The following CROT variants were observed in gnomAD, a reference collection of about 807,000 sequenced individuals.
The protein encoded by CROT is carnitine O-octanoyltransferase.
In CROT, 84 loss-of-function variants were observed where a neutral mutation model predicts 89.2. That is an observed-to-expected ratio of 0.94 (90% CI 0.79 to 1.13). The LOEUF is 1.13. Among genes scored for constraint, CROT ranks in the 50% most tolerant of loss-of-function variants. The pLI is 0.00. For synonymous variants in CROT, 212 were observed against 239.5 expected (o/e 0.89, Z 1.06); for missense variants, 711 against 727.8 (o/e 0.98, Z 0.27).
intron 3 of CROT, among the ~76,000 whole-genome samples, chr7:87,351,414 A>G (rs1302087841): frequency 6.6e-6 from 1 of 152,160 alleles, no homozygotes; most frequent in East Asian, 1.9e-4. Flanking sequence ...TGATATGCCA[A>G]GGTAAGCCTG....
At chr7:87,359,821 A>G (rs1346044395) in intron 4 of CROT, 1 of 983,614 alleles carries the variant, frequency 1.0e-6, no homozygotes, top group African/African-American at 1.7e-5. Context: ...CTAGTATAAT[A>G]ATTATTGAAG....
intron 7 of CROT, among the ~76,000 whole-genome samples, chr7:87,372,408 G>A (rs998260745): frequency 6.6e-5 from 10 of 152,234 alleles, no homozygotes; most frequent in Admixed American, 6.5e-4. Context: ...TTTAGTTAGT[G>A]TGTTTTAAAT....
At chr7:87,358,481 CAAAAA>C (rs11405316) in intron 3 of CROT, among the ~76,000 whole-genome samples, 2 of 95,660 alleles carry the variant, frequency 2.1e-5, no homozygotes, top group African/African-American at 8.5e-5. Context: ...GACTCCATCT[CAAAAA>C]AAAAAAAAAA....
intron 10 of CROT, among the ~76,000 whole-genome samples, chr7:87,378,450 G>T (rs117034769): frequency 0.011 from 1,606 of 152,072 alleles, 14 homozygotes; most frequent in Non-Finnish European, 0.015. Context: ...ATATTTGTTG[G>T]CAAGGAGTTA....
intron 7 of CROT, among the ~76,000 whole-genome samples, chr7:87,371,974 A>G (rs1387092877): frequency 2.0e-5 from 3 of 147,518 alleles, no homozygotes; most frequent in Non-Finnish European, 4.5e-5. Flanking sequence ...AGCCTGGGTG[A>G]CAGAGCAAGA....
chr7:87,372,759 A>T (rs1229508972), intron 7 of CROT, among the ~76,000 whole-genome samples: 6 of 152,118 alleles, frequency 3.9e-5, no homozygotes. Context: ...TTCAAGGTTC[A>T]TCCGTGTTTT....
At chr7:87,388,814 GA>G (rs1262804420) in intron 13 of CROT, among the ~76,000 whole-genome samples, 3 of 152,170 alleles carry the variant, frequency 2.0e-5, no homozygotes, top group African/African-American at 7.2e-5. Context: ...CACAGCAAAT[GA>G]AACTATCATC....
intron 6 of CROT, among the ~76,000 whole-genome samples, chr7:87,366,166 C>A (rs1335792334): frequency 1.3e-5 from 2 of 152,158 alleles, no homozygotes; most frequent in Admixed American, 6.6e-5. Context: ...TATCCTCAAC[C>A]TTTTCTCTAA....
At chr7:87,392,542 A>G (rs1021748693) in intron 14 of CROT, 24 bp from the exon 15 acceptor site, 1 of 1,593,306 alleles carries the variant, frequency 6.3e-7, no homozygotes, top group Non-Finnish European at 8.6e-7. Flanking sequence ...GTGTTATTGA[A>G]GTGTCTCTCG....
intron 7 of CROT, chr7:87,369,817 A>AT (rs1260595798): frequency 1.3e-5 from 2 of 148,760 alleles, no homozygotes; most frequent in Non-Finnish European, 1.5e-5. Context: ...TAGCTTAAAA[A>AT]ATATATATAA....
chr7:87,349,444 T>C (rs1388425685), intron 3 of CROT, among the ~76,000 whole-genome samples: 1 of 152,194 alleles, frequency 6.6e-6, no homozygotes, highest in African/African-American at 2.4e-5. Context: ...GTCTTATCGA[T>C]GTAAAGACTA....
chr7:87,391,617 A>G lies in CROT; in HGVS notation c.1330A>G (p.Thr444Ala). 6.2e-7 allele frequency: 1 copy of G among 1,605,222 alleles called. No individual in the cohort carries two copies. Among genetic ancestry groups the G allele is most frequent in the South Asian group, 1.1e-5 (1 of 88,388 alleles). ...HPGCCYETAMTRHFYHGRTET... is the reference protein window; with the variant it reads ...HPGCCYETAMARHFYHGRTET... ...TGGTTGTTGCTATGAAACAGCTATG[A>G]CAAGACATTTTTATCATGGCCGTAC... is the stretch of plus-strand genomic sequence containing the variant. Residue 444 changes from threonine to alanine, a missense_variant, in exon 14 of 18, where the codon ACA becomes GCA. Physicochemically the swap from Thr to Ala is moderately conservative, Grantham distance 58. Transcript: ENST00000331536.
chr7:87,388,778 G>A (rs968601579), intron 13 of CROT, among the ~76,000 whole-genome samples: 18 of 152,132 alleles, frequency 1.2e-4, no homozygotes, highest in Admixed American at 9.8e-4. Context: ...TGACAAATGG[G>A]ATCTAATTAA....
Position 87,398,827 on chromosome 7 carries a change from T to C in CROT, c.*183T>C, listed in dbSNP as rs1439623225. 4 of 610,484 alleles carry C rather than the reference T, an allele frequency of 6.6e-6. No homozygotes were observed. In the African/African-American group the frequency reaches 7.4e-5, roughly 11 times the overall value. The allele number at this position is 610,484 out of a possible 1,614,324, so 37.8% of individuals were successfully genotyped here. A position where few individuals can be genotyped will look rare whatever the true frequency, so the allele number is the denominator to read the frequency against. On this transcript the variant is annotated 3_prime_UTR_variant, in exon 18 of 18. Transcript: ENST00000331536. Reference sequence around the variant, plus strand: ...TCTAAATTTATTCTGCCATAGAAGGTAGAAATATTTTTAAGCTCCTCTGAT... The same window carrying C: ...TCTAAATTTATTCTGCCATAGAAGGCAGAAATATTTTTAAGCTCCTCTGAT...
Position 87,369,369 on chromosome 7 carries a change from T to C in CROT, c.548-7T>C, listed in dbSNP as rs1436797506. On this transcript the variant is annotated splice_region_variant and splice_polypyrimidine_tract_variant and intron_variant, in intron 6 of 17. Transcript: ENST00000331536. Reference sequence around the variant, plus strand: ...TTGAGTCTTGTGTTTTCTGTTTCTGTTTCCAGAGAGTGAAGGGCGTTCCCC... The same window carrying C: ...TTGAGTCTTGTGTTTTCTGTTTCTGCTTCCAGAGAGTGAAGGGCGTTCCCC... 6.3e-7 allele frequency: 1 copy of C among 1,590,102 alleles called. No individual in the cohort carries two copies.
chr7:87,359,846 C>G, intron 4 of CROT: 1 of 984,954 alleles, frequency 1.0e-6, no homozygotes, highest in Non-Finnish European at 1.2e-6. Context: ...CAATAATTTT[C>G]CACAAAATTC....
intron 7 of CROT, 88 bp from the exon 8 acceptor site, chr7:87,375,544 A>G: frequency 1.2e-6 from 1 of 850,982 alleles, no homozygotes; most frequent in East Asian, 2.4e-5. Flanking sequence ...AAACATTTAA[A>G]TATTGATCAA....
chr7:87,364,036 T>C (rs1001853424), intron 6 of CROT, among the ~76,000 whole-genome samples: 1 of 152,142 alleles, frequency 6.6e-6, no homozygotes, highest in African/African-American at 2.4e-5. Flanking sequence ...GTGGGAAATA[T>C]TGGGAGGAGA....
chr7:87,373,047 T>C (rs188267821), intron 7 of CROT, among the ~76,000 whole-genome samples: 60 of 152,274 alleles, frequency 3.9e-4, no homozygotes, highest in Non-Finnish European at 5.6e-4. Flanking sequence ...ATTGAGAAAC[T>C]ACCAGAGAGT....
Sources: allele counts gnomAD v4.1 joint callset (sites outside exome capture counted in the v4.1 genomes callset), GRCh38; gene constraint gnomAD v4.1.1; transcripts MANE v1.5; gene names NCBI Gene and HGNC (gene_info 2026-07-23, HGNC 2026-07-21).